Variants in C2CD2 observed in about 807,000 individuals in gnomAD.
C2CD2 encodes C2 domain-containing protein 2.
In C2CD2, 43 loss-of-function variants were observed where a neutral mutation model predicts 74.3. The observed-to-expected ratio is 0.58, with a 90% confidence interval of 0.45 to 0.75. C2CD2 has a LOEUF of 0.75. Among genes scored for constraint, C2CD2 ranks in the 30% least tolerant of loss-of-function variants. The pLI is 0.00. For missense variants in C2CD2, 801 were observed against 916.3 expected, an observed-to-expected ratio of 0.87 and a Z score of 1.63; for synonymous variants, 422 against 390.7, an observed-to-expected ratio of 1.08 and a Z score of -0.94.
intron 5 of C2CD2, among the ~76,000 whole-genome samples, chr21:41,916,125 A>G (rs384458): frequency 0.048 from 7,260 of 152,256 alleles, 576 homozygotes; most frequent in African/African-American, 0.16. Context: ...AATTGCCGAA[A>G]TCCCTGAAAT....
chr21:41,951,305 T>C (rs2065448770), intron 1 of C2CD2, among the ~76,000 whole-genome samples: 1 of 152,124 alleles, frequency 6.6e-6, no homozygotes, highest in Non-Finnish European at 1.5e-5. Context: ...TGCAAAACCT[T>C]CCATTTGAAT....
In C2CD2 at chr21:41,945,477, T is replaced by C. The variant is rs774456139; in HGVS notation, c.280-3232A>G. 1.3e-5 allele frequency among the ~76,000 whole-genome samples: 2 copies of C among 151,856 alleles called. No individual in the cohort carries two copies. Among genetic ancestry groups the C allele is most frequent in the Non-Finnish European group, 1.5e-5 (1 of 67,970 alleles). On this transcript the variant is annotated intron_variant, in intron 1 of 13. Transcript: ENST00000380486. This position sits in a 1 kb window ranked among gnomAD's most constrained non-coding sequence, Gnocchi z 4.2. ...CTGTGGGGAGCCAAAAACAAATATT[T>C]TGTGGAAACATGAAGTAAGGAAATG... is the stretch of plus-strand genomic sequence containing the variant.
At chr21:41,910,203 G>C (rs1315123375) in intron 7 of C2CD2, among the ~76,000 whole-genome samples, 1 of 152,060 alleles carries the variant, frequency 6.6e-6, no homozygotes, top group Non-Finnish European at 1.5e-5. Flanking sequence ...ACATCATGTT[G>C]GATGGGCCTC....
At chr21:41,938,931 A>G (rs556221237) in intron 2 of C2CD2, among the ~76,000 whole-genome samples, 1 of 152,090 alleles carries the variant, frequency 6.6e-6, no homozygotes, top group East Asian at 1.9e-4. Context: ...TTTAGTAGAG[A>G]TGGGGTTTCA....
At chr21:41,912,300 G>T in intron 7 of C2CD2, 32 bp downstream of exon 7, 1 of 1,373,314 alleles carries the variant, frequency 7.3e-7, no homozygotes, top group Non-Finnish European at 1.0e-6. Flanking sequence ...CACGGCCGTG[G>T]ACACACAGGC....
chr21:41,918,996 C>A, intron 3 of C2CD2, 36 bp from the exon 4 acceptor site: 1 of 1,482,242 alleles, frequency 6.7e-7, no homozygotes, highest in Non-Finnish European at 9.4e-7. Context: ...GCCACTCTTT[C>A]CACCAAAGCC....
rs577661965 is a variant in C2CD2 at position 41,903,575 on chromosome 21, C to T, written c.1433-1826G>A. On this transcript the variant is annotated intron_variant, in intron 11 of 13. Transcript: ENST00000380486. This position sits in a 1 kb window ranked among gnomAD's most constrained non-coding sequence, Gnocchi z 4.5. Reference sequence around the variant, plus strand: ...GAACAGATTTTTGTTTAGCCACTGACCCACACTGAGAAGAGAGAAGTGCTG... The same window carrying T: ...GAACAGATTTTTGTTTAGCCACTGATCCACACTGAGAAGAGAGAAGTGCTG... Among the ~76,000 whole-genome samples the T allele has an allele frequency of 6.6e-6, 1 of 152,150 alleles. No individual in the cohort carries two copies. The highest frequency in any genetic ancestry group is 1.5e-5 in the Non-Finnish European group (1 of 68,026).
chr21:41,891,864 C>T (rs2064758744), intron 13 of C2CD2, among the ~76,000 whole-genome samples: 1 of 152,100 alleles, frequency 6.6e-6, no homozygotes, highest in Non-Finnish European at 1.5e-5. Flanking sequence ...TGAGAGGTTC[C>T]CTCCTGCTCC....
In C2CD2 at chr21:41,939,288, C is replaced by T. The variant is rs1412817658; in HGVS notation, c.378+2859G>A. 6.6e-6 allele frequency among the ~76,000 whole-genome samples: 1 copy of T among 152,228 alleles called. No homozygotes were observed. The highest frequency in any genetic ancestry group is 2.4e-5 in the African/African-American group (1 of 41,466). ...AAAAGGATTACAATTGAATTACCTA[C>T]CGTGTAAGGCCACTTTTCTGGCAAT... On this transcript the variant is annotated intron_variant, in intron 2 of 13. Coordinates refer to ENST00000380486, the MANE Select transcript of C2CD2 (RefSeq NM_015500.2). The surrounding 1 kb of genome is among the most constrained non-coding windows in gnomAD (Gnocchi z 5.5).
In C2CD2 at chr21:41,905,782, G is replaced by T; in HGVS notation, c.1374C>A (p.Val458=). ...KVKVIEKDIS[V]QAIACRSAPV... ...GGGCGCTGCGGCAGGCGATGGCCTG[G>T]ACAGAGATGTCCTTCTCGATCACCT... Residue 458 remains valine, a synonymous_variant, in exon 11 of 14, where the codon GTC becomes GTA. Coordinates refer to ENST00000380486, the MANE Select transcript of C2CD2 (RefSeq NM_015500.2). 1 of 1,612,556 alleles carries T rather than the reference G, an allele frequency of 6.2e-7. No individual in the cohort carries two copies. The highest frequency in any genetic ancestry group is 8.5e-7 in the Non-Finnish European group (1 of 1,178,536).
In C2CD2 at chr21:41,890,390, GCAA is replaced by G. The variant is rs139211162; in HGVS notation, c.1871-1049_1871-1047del. ...GAATAGAAAAAAATTAGCAGCAGCA[GCAA>G]CAATAATTTCAACAGCAATGATTCC... On this transcript the variant is annotated intron_variant, in intron 13 of 13. Coordinates refer to ENST00000380486, the MANE Select transcript of C2CD2 (RefSeq NM_015500.2). Among the ~76,000 whole-genome samples the G allele has an allele frequency of 1.1e-3, 169 of 152,314 alleles. 3 individuals carry two copies. In the East Asian group the frequency reaches 0.028, roughly 25 times the overall value.
intron 7 of C2CD2, 33 bp downstream of exon 7, chr21:41,912,299 G>A: frequency 7.4e-7 from 1 of 1,346,698 alleles, no homozygotes; most frequent in Non-Finnish European, 1.1e-6. Flanking sequence ...ACACGGCCGT[G>A]GACACACAGG....
Position 41,953,253 on chromosome 21 carries a change from G to C in C2CD2, c.279+117C>G, listed in dbSNP as rs955623542. 1.1e-4 allele frequency: 66 copies of C among 579,412 alleles called. No homozygotes were observed. In the African/African-American group the frequency reaches 1.2e-3, roughly 11 times the overall value. 35.9% of individuals were successfully genotyped at this position (579,412 alleles called of 1,614,324 possible). ...AACTCTCGAGGATGGTCTGCGCTGG[G>C]GGGAGGACTCCCTTAGCCTGGGTCA... On this transcript the variant is annotated intron_variant, in intron 1 of 13. Transcript: ENST00000380486.
At chr21:41,898,633 T>A (rs1453803574) in intron 13 of C2CD2, among the ~76,000 whole-genome samples, 1 of 152,176 alleles carries the variant, frequency 6.6e-6, no homozygotes, top group African/African-American at 2.4e-5. Context: ...TTGTTTCAGG[T>A]GCAGGGAGAC....
chr21:41,914,512 G>T (rs1601574752), intron 6 of C2CD2, 86 bp downstream of exon 6: 1 of 1,224,574 alleles, frequency 8.2e-7, no homozygotes. Context: ...GATGCCACCA[G>T]AGAATCCAAG....
At position 41,949,295 on chromosome 21, in the gene C2CD2, AG is replaced by A. The variant is rs375566568; in HGVS notation, c.279+4074del. On this transcript the variant is annotated intron_variant, in intron 1 of 13. Coordinates refer to ENST00000380486, the MANE Select transcript of C2CD2 (RefSeq NM_015500.2). ...ACTTTGTAAATATTGATGTAATCGCAGGGGAGCAAAAGGAAAAGCTCAACTG... is the reference window on the plus strand; with the variant it reads ...ACTTTGTAAATATTGATGTAATCGCAGGGAGCAAAAGGAAAAGCTCAACTG... 3.3e-4 allele frequency among the ~76,000 whole-genome samples: 50 copies of A among 152,310 alleles called. No individual in the cohort carries two copies. In the East Asian group the frequency reaches 7.7e-3, roughly 23 times the overall value.
At chr21:41,912,498 T>TTA (rs2065038353) in intron 6 of C2CD2, 58 bp from the exon 7 acceptor site, 10 of 726,148 alleles carry the variant, frequency 1.4e-5, no homozygotes, top group South Asian at 3.5e-5. Flanking sequence ...TATTTATTTT[T>TTA]TTTTTTTTTT....
In C2CD2 at chr21:41,942,308, T is replaced by G. The variant is rs1332249109; in HGVS notation, c.280-63A>C. ...GAGGGGCTGCATCTTTTAAATTACATATCTGTTTAAAGTTCTGAAAAATTA... is the reference window on the plus strand; with the variant it reads ...GAGGGGCTGCATCTTTTAAATTACAGATCTGTTTAAAGTTCTGAAAAATTA... On this transcript the variant is annotated intron_variant, in intron 1 of 13. Transcript: ENST00000380486. 5.5e-6 allele frequency: 7 copies of G among 1,273,202 alleles called. No individual in the cohort carries two copies. The East Asian group carries it at 1.5e-4, about 28-fold the overall frequency. The allele number at this position is 1,273,202 out of a possible 1,614,324, so 78.9% of individuals were successfully genotyped here.
intron 2 of C2CD2, among the ~76,000 whole-genome samples, chr21:41,928,788 T>C (rs949709446): frequency 1.3e-5 from 2 of 151,430 alleles, no homozygotes; most frequent in Non-Finnish European, 2.9e-5. Context: ...GAGTTATGGG[T>C]TTCCCCTAGA....
Sources: gnomAD v4.1 joint callset for allele counts (sites outside exome capture counted in the v4.1 genomes callset) on GRCh38, gnomAD v4.1.1 for gene constraint, Gnocchi (gnomAD v3.1) non-coding constraint, MANE v1.5 for transcripts, NCBI Gene and HGNC (gene_info 2026-07-23, HGNC 2026-07-21) for gene names.